The following UNC13C variants were observed in gnomAD, a reference collection of about 807,000 sequenced individuals.
The protein encoded by UNC13C is unc-13 homolog C.
Under a neutral mutation model 245.4 loss-of-function variants are expected in UNC13C, and 174 were observed. That is an observed-to-expected ratio of 0.71 (90% CI 0.63 to 0.80). UNC13C has a LOEUF of 0.80. UNC13C is among the 30% of genes least tolerant of loss of function. UNC13C has a pLI of 0.00. For synonymous variants in UNC13C, 992 were observed against 895.1 expected (o/e 1.11, Z -1.93); for missense variants, 2,829 against 2,602.9 (o/e 1.09, Z -1.89).
chr15:54,264,187 TA>T lies in UNC13C; in HGVS notation c.3471del (p.Lys1157AsnfsTer15). Reference protein sequence around the residue: ...CLQRAAEKSSKHGAEDKTQTI... With the variant: ...CLQRAAEKSSXHGAEDKTQTI... Reference sequence around the variant, plus strand: ...TCATAGGAGCAGCAGAAAAGAGTTCTAAACATGGTGCCGAAGACAAGACTCA... The same window carrying T: ...TCATAGGAGCAGCAGAAAAGAGTTCTAACATGGTGCCGAAGACAAGACTCA... On this transcript the variant is annotated frameshift_variant, in exon 9 of 33. Coordinates refer to ENST00000260323, the MANE Select transcript of UNC13C (RefSeq NM_001080534.3). LOFTEE classifies it high-confidence loss of function. 2 of 1,580,346 alleles carry T rather than the reference TA, an allele frequency of 1.3e-6. No homozygotes were observed. The highest frequency in any genetic ancestry group is 8.6e-7 in the Non-Finnish European group (1 of 1,162,148).
At chr15:54,078,237 T>C (rs1898741835) in intron 2 of UNC13C, among the ~76,000 whole-genome samples, 1 of 152,198 alleles carries the variant, frequency 6.6e-6, no homozygotes, top group African/African-American at 2.4e-5. Context: ...CATTCATCCA[T>C]TGATGGACAC....
the UNC13C span, among the ~76,000 whole-genome samples, chr15:53,840,051 T>G: frequency 6.6e-6 from 1 of 152,124 alleles, no homozygotes; most frequent in African/African-American, 2.4e-5. Context: ...TCTTTACTTA[T>G]AGCAAGATGA....
At chr15:54,051,664 A>T (rs12902635) in intron 2 of UNC13C, among the ~76,000 whole-genome samples, 120,621 of 151,010 alleles carry the variant, frequency 0.8, 48,561 homozygotes, top group Middle Eastern at 0.91. Flanking sequence ...TTATTTATTT[A>T]TTTTAATCAG....
intron 4 of UNC13C, among the ~76,000 whole-genome samples, chr15:54,162,066 C>G (rs1193263765): frequency 6.6e-6 from 1 of 152,160 alleles, no homozygotes; most frequent in Non-Finnish European, 1.5e-5. Context: ...CTGCTTTGCT[C>G]TCTAGTCATT....
chr15:54,120,031 A>G (rs986769720), intron 2 of UNC13C, among the ~76,000 whole-genome samples: 2 of 152,224 alleles, frequency 1.3e-5, no homozygotes, highest in African/African-American at 4.8e-5. Context: ...CAAAGAAACA[A>G]GTGCTTATGC....
At chr15:53,845,252 G>A in the UNC13C span, among the ~76,000 whole-genome samples, 1 of 151,418 alleles carries the variant, frequency 6.6e-6, no homozygotes, top group African/African-American at 2.4e-5. Context: ...TTGAACCTGG[G>A]AGGCTGAGGT....
chr15:54,589,127 C>T (rs560883952), intron 30 of UNC13C, among the ~76,000 whole-genome samples: 40 of 152,030 alleles, frequency 2.6e-4, no homozygotes, highest in Admixed American at 1.4e-3. Context: ...CCCTGATCAC[C>T]GCAATGACAC....
chr15:54,250,538 A>ACCACC, intron 8 of UNC13C, 94 bp downstream of exon 8: 1 of 1,216,710 alleles, frequency 8.2e-7, no homozygotes, highest in East Asian at 2.5e-5. Context: ...CTGGTTGTCA[A>ACCACC]GAAATCCTAC....
chr15:54,463,164 G>T (rs878909511), intron 19 of UNC13C, among the ~76,000 whole-genome samples: 3 of 148,478 alleles, frequency 2.0e-5, no homozygotes, highest in Non-Finnish European at 4.5e-5. Flanking sequence ...CTCAAGGTTT[G>T]TAAACACACC....
intron 19 of UNC13C, among the ~76,000 whole-genome samples, chr15:54,447,797 A>T (rs1173549141): frequency 6.6e-6 from 1 of 151,842 alleles, no homozygotes; most frequent in African/African-American, 2.4e-5. Flanking sequence ...GATCTTAGTT[A>T]TTTCTTGCCT....
intron 30 of UNC13C, among the ~76,000 whole-genome samples, chr15:54,568,408 C>G (rs1897609002): frequency 6.6e-6 from 1 of 152,040 alleles, no homozygotes; most frequent in Admixed American, 6.6e-5. Flanking sequence ...ATGCTCATTT[C>G]ATATGAAAAA....
intron 19 of UNC13C, among the ~76,000 whole-genome samples, chr15:54,460,754 G>T (rs1048099176): frequency 1.3e-5 from 2 of 152,160 alleles, no homozygotes; most frequent in African/African-American, 4.8e-5. Flanking sequence ...GGTTTTTCTG[G>T]TATGTTCTTG....
intron 24 of UNC13C, among the ~76,000 whole-genome samples, chr15:54,521,870 C>T (rs1244074883): frequency 6.6e-6 from 1 of 152,202 alleles, no homozygotes; most frequent in Non-Finnish European, 1.5e-5. Context: ...TCTGTCTATC[C>T]TCACTTCCTT....
intron 28 of UNC13C, among the ~76,000 whole-genome samples, chr15:54,554,384 A>T (rs1264867671): frequency 1.3e-5 from 2 of 152,038 alleles, no homozygotes; most frequent in East Asian, 3.9e-4. Context: ...GACAGCCAAA[A>T]TTGAGCCCAT....
intron 29 of UNC13C, among the ~76,000 whole-genome samples, chr15:54,563,959 C>A (rs1203409630): frequency 1.3e-5 from 2 of 152,000 alleles, no homozygotes; most frequent in Non-Finnish European, 2.9e-5. Flanking sequence ...CAGACTGGTG[C>A]TCTTATATGC....
At chr15:54,544,096 C>A (rs905408923) in intron 26 of UNC13C, among the ~76,000 whole-genome samples, 1 of 152,268 alleles carries the variant, frequency 6.6e-6, no homozygotes, top group East Asian at 1.9e-4. Context: ...GCTTATCTAC[C>A]ATGATCAAAT....
intron 17 of UNC13C, among the ~76,000 whole-genome samples, chr15:54,390,446 C>A (rs573370534): frequency 6.6e-6 from 1 of 152,112 alleles, no homozygotes; most frequent in South Asian, 2.1e-4. Context: ...AAATTACCTC[C>A]CCATTATACC....
At chr15:54,228,114 T>C (rs2035445687) in intron 4 of UNC13C, among the ~76,000 whole-genome samples, 1 of 152,096 alleles carries the variant, frequency 6.6e-6, no homozygotes, top group Non-Finnish European at 1.5e-5. Flanking sequence ...AGAAGACGTG[T>C]CTCTCCCCAT....
intron 2 of UNC13C, among the ~76,000 whole-genome samples, chr15:54,098,983 G>A (rs770588646): frequency 2.2e-4 from 33 of 152,138 alleles, no homozygotes; most frequent in Admixed American, 5.2e-4. Context: ...TTAATTCTGC[G>A]GCTTGCAATG....
Sources: allele counts gnomAD v4.1 joint callset (sites outside exome capture counted in the v4.1 genomes callset), GRCh38; gene constraint gnomAD v4.1.1; transcripts MANE v1.5; gene names NCBI Gene and HGNC (gene_info 2026-07-23, HGNC 2026-07-21).